PTCHD4: variants seen among roughly 807,000 people sequenced by gnomAD.
PTCHD4 encodes patched domain containing 4.
Under a neutral mutation model 58.1 loss-of-function variants are expected in PTCHD4, and 33 were observed. That is an observed-to-expected ratio of 0.57 (90% CI 0.43 to 0.76). PTCHD4 has a LOEUF of 0.76. Among genes scored for constraint, PTCHD4 ranks in the 30% least tolerant of loss-of-function variants. The probability of loss-of-function intolerance (pLI) is 0.00; values close to 1 mark genes in which losing one functional copy is unlikely to be tolerated. For missense variants in PTCHD4, 1,058 were observed against 1,027.1 expected (o/e 1.03, Z -0.41); for synonymous variants, 478 against 409.6 (o/e 1.17, Z -2.02).
chr6:47,956,212 A>G (rs1442980195), intron 4 of PTCHD4, among the ~76,000 whole-genome samples: 1 of 152,210 alleles, frequency 6.6e-6, no homozygotes, highest in Non-Finnish European at 1.5e-5. Flanking sequence ...GAGAATCCTG[A>G]CGATACAAAT....
At chr6:48,075,494 T>C (rs969633052) in intron 1 of PTCHD4, among the ~76,000 whole-genome samples, 3 of 151,476 alleles carry the variant, frequency 2.0e-5, no homozygotes, top group Admixed American at 6.6e-5. Context: ...TTAACCACTA[T>C]ATCACCTTGG....
chr6:47,878,837 G>T lies in PTCHD4; in HGVS notation c.1998C>A (p.Leu666=), dbSNP rs1436164095. 1.2e-6 allele frequency: 2 copies of T among 1,613,654 alleles called. No homozygotes were observed. Among genetic ancestry groups the T allele is most frequent in the Non-Finnish European group, 1.7e-6 (2 of 1,179,762 alleles). The change falls in exon 5 of 5, where the codon CTC becomes CTA. Residue 666 remains leucine, a synonymous_variant. Coordinates refer to ENST00000339488, the MANE Select transcript of PTCHD4 (RefSeq NM_001384253.1). Reference sequence around the variant, plus strand: ...GGAAAAAAGTCAGGATTAACACCAGGAGAACACCAAAGCCTGCAATCAGAA... The same window carrying T: ...GGAAAAAAGTCAGGATTAACACCAGTAGAACACCAAAGCCTGCAATCAGAA... ...VPVLIAGFGV[L]LVLILTFFLV... is the part of the protein sequence containing the mutation.
chr6:48,015,345 C>A (rs893461890), intron 3 of PTCHD4, among the ~76,000 whole-genome samples: 8 of 152,104 alleles, frequency 5.3e-5, no homozygotes, highest in Non-Finnish European at 1.0e-4. Context: ...CTAAAACCCT[C>A]CCCTGGTTTC....
In PTCHD4 at chr6:47,998,652, A is replaced by T. The variant is rs540591623; in HGVS notation, c.898+9982T>A. Reference sequence around the variant, plus strand: ...TACTAGCAGTGTTGGACAGTGCTATATAATAAAAAGTACACACTAGTCAAT... The same window carrying T: ...TACTAGCAGTGTTGGACAGTGCTATTTAATAAAAAGTACACACTAGTCAAT... On this transcript the variant is annotated intron_variant, in intron 4 of 4. Transcript: ENST00000339488. Among the ~76,000 whole-genome samples, 8 of 152,310 alleles carry T rather than the reference A, an allele frequency of 5.3e-5. No individual in the cohort carries two copies. In the East Asian group the frequency reaches 1.5e-3, roughly 29 times the overall value.
intron 1 of PTCHD4, among the ~76,000 whole-genome samples, chr6:48,087,568 G>C (rs2113899110): frequency 6.6e-6 from 1 of 152,248 alleles, no homozygotes; most frequent in Non-Finnish European, 1.5e-5. Context: ...ATAGTCCTAG[G>C]TGGGCAGTAA....
intron 1 of PTCHD4, among the ~76,000 whole-genome samples, chr6:48,084,365 A>G (rs1765223086): frequency 6.6e-6 from 1 of 152,222 alleles, no homozygotes; most frequent in South Asian, 2.1e-4. Flanking sequence ...AGTTAAATGG[A>G]TTTTGAAATA....
At chr6:48,065,702 G>A (rs1764771012) in intron 3 of PTCHD4, among the ~76,000 whole-genome samples, 1 of 152,110 alleles carries the variant, frequency 6.6e-6, no homozygotes, top group Admixed American at 6.5e-5. Context: ...GATTGTGTTT[G>A]AACACTTGAG....
In PTCHD4 at chr6:47,912,504, T is replaced by G. The variant is rs892089017; in HGVS notation, c.899-32568A>C. ...AAATGCCAAAATAGTTACACTTACT[T>G]TTTAATGCTCTCCTCTCTACATGTC... On this transcript the variant is annotated intron_variant, in intron 4 of 4. Transcript: ENST00000339488. Among the ~76,000 whole-genome samples, 3 of 152,138 alleles carry G rather than the reference T, an allele frequency of 2.0e-5. No homozygotes were observed. In the South Asian group the frequency reaches 6.2e-4, roughly 31 times the overall value.
chr6:48,066,273 C>A (rs753879337), intron 3 of PTCHD4, among the ~76,000 whole-genome samples: 3 of 151,958 alleles, frequency 2.0e-5, no homozygotes, highest in Non-Finnish European at 4.4e-5. Context: ...AAACTGAATA[C>A]CTCAGGGATT....
At chr6:48,043,425 G>T (rs12189913) in intron 3 of PTCHD4, among the ~76,000 whole-genome samples, 6 of 151,574 alleles carry the variant, frequency 4.0e-5, no homozygotes, top group Non-Finnish European at 7.4e-5. Flanking sequence ...GAAAGGCAGC[G>T]TTTTTTTGAC....
At chr6:47,974,320 G>A (rs1021642406) in intron 4 of PTCHD4, among the ~76,000 whole-genome samples, 3 of 152,246 alleles carry the variant, frequency 2.0e-5, no homozygotes, top group Admixed American at 2.0e-4. Context: ...GCTTCCTAAT[G>A]TATTTTGTTC....
At chr6:48,014,723 T>C (rs1358606975) in intron 3 of PTCHD4, among the ~76,000 whole-genome samples, 2 of 152,172 alleles carry the variant, frequency 1.3e-5, no homozygotes, top group Admixed American at 6.6e-5. Flanking sequence ...GAGTCATTAA[T>C]GGATTATTTG....
rs899164371 is a variant in PTCHD4, at chr6:47,981,588, C to T, written c.898+27046G>A. Among the ~76,000 whole-genome samples the T allele has an allele frequency of 1.5e-4, 23 of 152,026 alleles. 1 individual carries two copies. Among genetic ancestry groups the T allele is most frequent in the Admixed American group, 9.8e-4 (15 of 15,262 alleles). ...GTAGAATTTTATCAGCTGTATTTTGCTTATGTTCTTTTCTTAATTTTGTGT... is the reference window on the plus strand; with the variant it reads ...GTAGAATTTTATCAGCTGTATTTTGTTTATGTTCTTTTCTTAATTTTGTGT... On this transcript the variant is annotated intron_variant, in intron 4 of 4. Transcript: ENST00000339488.
chr6:48,076,079 T>C (rs1266246883), intron 1 of PTCHD4, among the ~76,000 whole-genome samples: 2 of 152,234 alleles, frequency 1.3e-5, no homozygotes, highest in African/African-American at 4.8e-5. Context: ...TATGTAATGT[T>C]CTAAGTATTT....
At chr6:48,033,146 C>T (rs1763511199) in intron 3 of PTCHD4, among the ~76,000 whole-genome samples, 1 of 152,054 alleles carries the variant, frequency 6.6e-6, no homozygotes, top group Non-Finnish European at 1.5e-5. Flanking sequence ...CAACTTATAG[C>T]CACTACAGTA....
intron 4 of PTCHD4, among the ~76,000 whole-genome samples, chr6:47,947,428 G>A (rs925444795): frequency 2.6e-5 from 4 of 151,326 alleles, no homozygotes; most frequent in Non-Finnish European, 4.4e-5. Context: ...TTCCTTTTGA[G>A]GTCATTTTTT....
Position 47,864,935 on chromosome 6 carries a change from TA to T in PTCHD4, c.*13367del, listed in dbSNP as rs374633203. Reference sequence around the variant, plus strand: ...GCAATACTACATCTTTATGGTAGAATAAAAGCATGTGCCTTATACATAACTT... The same window carrying T: ...GCAATACTACATCTTTATGGTAGAATAAAGCATGTGCCTTATACATAACTT... On this transcript the variant is annotated 3_prime_UTR_variant, in exon 5 of 5. Coordinates refer to ENST00000339488, the MANE Select transcript of PTCHD4 (RefSeq NM_001384253.1). Among the ~76,000 whole-genome samples the T allele has an allele frequency of 0.67, 101,404 of 151,766 alleles. 34,373 individuals are homozygous for T. The highest frequency in any genetic ancestry group is 0.78 in the East Asian group (4,004 of 5,120).
In PTCHD4 at chr6:47,993,764, T is replaced by A. The variant is rs112950095; in HGVS notation, c.898+14870A>T. 5.4e-3 allele frequency among the ~76,000 whole-genome samples: 817 copies of A among 152,272 alleles called. 6 individuals are homozygous for A. Among genetic ancestry groups the A allele is most frequent in the African/African-American group, 0.017 (705 of 41,544 alleles). On this transcript the variant is annotated intron_variant, in intron 4 of 4. Coordinates refer to ENST00000339488, the MANE Select transcript of PTCHD4 (RefSeq NM_001384253.1). ...CAGATCCAGCAGGACATGGGGGTAC[T>A]GTTTCATATCTAGTAAGAAATTGAG... is the stretch of plus-strand genomic sequence containing the variant.
chr6:47,979,152 G>A (rs1002400354), intron 4 of PTCHD4, among the ~76,000 whole-genome samples: 5 of 152,130 alleles, frequency 3.3e-5, no homozygotes, highest in African/African-American at 1.2e-4. Flanking sequence ...AGTCTGAACA[G>A]TGGTTACATT....
Sources: allele counts gnomAD v4.1 joint callset (sites outside exome capture counted in the v4.1 genomes callset), GRCh38; gene constraint gnomAD v4.1.1; transcripts MANE v1.5; gene names NCBI Gene and HGNC (gene_info 2026-07-23, HGNC 2026-07-21).